The following UNC5D variants were observed in gnomAD, a reference collection of about 807,000 sequenced individuals.
The protein encoded by UNC5D is unc-5 netrin receptor D.
Under a neutral mutation model 105.4 loss-of-function variants are expected in UNC5D, and 39 were observed. The ratio of observed to expected loss-of-function variants is 0.37; its 90% CI spans 0.29 to 0.48. The LOEUF (loss-of-function observed/expected upper bound fraction) is 0.48. Among genes scored for constraint, UNC5D ranks in the 20% least tolerant of loss-of-function variants. UNC5D has a pLI of 0.98. For missense variants in UNC5D, 991 were observed against 1,202.4 expected, an observed-to-expected ratio of 0.82 and a Z score of 2.60; for synonymous variants, 452 against 450.4, an observed-to-expected ratio of 1.00 and a Z score of -0.04.
In UNC5D at chr8:35,644,760, A is replaced by G. The variant is rs141906105; in HGVS notation, c.571-38787A>G. ...TTCATGTGAAAGTTCTTTTCTGATCATCTTAAAGAGTTGTGGCTCATCACA... is the reference window on the plus strand; with the variant it reads ...TTCATGTGAAAGTTCTTTTCTGATCGTCTTAAAGAGTTGTGGCTCATCACA... On this transcript the variant is annotated intron_variant, in intron 4 of 16. Coordinates refer to ENST00000404895, the MANE Select transcript of UNC5D (RefSeq NM_080872.4). Among the ~76,000 whole-genome samples the G allele has an allele frequency of 3.2e-3, 482 of 152,268 alleles. 4 individuals carry two copies. The highest frequency in any genetic ancestry group is 0.01 in the African/African-American group (436 of 41,584).
chr8:35,743,238 G>A (rs1486021558), intron 11 of UNC5D, among the ~76,000 whole-genome samples: 1 of 151,922 alleles, frequency 6.6e-6, no homozygotes, highest in Non-Finnish European at 1.5e-5. Flanking sequence ...TTCTCCCTGG[G>A]CCTTCTATTT....
chr8:35,447,045 T>C (rs1158545782), intron 1 of UNC5D, among the ~76,000 whole-genome samples: 2 of 152,016 alleles, frequency 1.3e-5, no homozygotes, highest in Non-Finnish European at 2.9e-5. Context: ...TCCTCAGAGC[T>C]AAGAGTGAGC....
chr8:35,315,677 G>T (rs537911730), intron 1 of UNC5D, among the ~76,000 whole-genome samples: 1 of 152,154 alleles, frequency 6.6e-6, no homozygotes, highest in Non-Finnish European at 1.5e-5. Flanking sequence ...GGCCAATTTT[G>T]TAGTTTATTG....
intron 4 of UNC5D, among the ~76,000 whole-genome samples, chr8:35,637,720 G>A (rs1174494392): frequency 1.3e-5 from 2 of 152,140 alleles, no homozygotes; most frequent in Non-Finnish European, 2.9e-5. Flanking sequence ...GGTACTAATG[G>A]GAATTTTCCA....
intron 1 of UNC5D, among the ~76,000 whole-genome samples, chr8:35,338,991 C>T (rs935181376): frequency 3.3e-5 from 5 of 152,218 alleles, no homozygotes; most frequent in East Asian, 1.9e-4. Flanking sequence ...ATAGGAGATA[C>T]CTGAATCTAC....
chr8:35,513,781 G>A (rs1283920707), intron 1 of UNC5D, among the ~76,000 whole-genome samples: 1 of 152,186 alleles, frequency 6.6e-6, no homozygotes, highest in East Asian at 1.9e-4. Context: ...CAAAGATATT[G>A]TTGAATGGGA....
At chr8:35,249,473 G>T (rs576968695) in intron 1 of UNC5D, among the ~76,000 whole-genome samples, 5 of 150,860 alleles carry the variant, frequency 3.3e-5, no homozygotes, top group Non-Finnish European at 5.9e-5. Flanking sequence ...CAGGAGAATC[G>T]CTTGAACCTG....
intron 1 of UNC5D, among the ~76,000 whole-genome samples, chr8:35,521,901 T>C (rs190860109): frequency 3.3e-5 from 5 of 152,334 alleles, no homozygotes; most frequent in East Asian, 1.9e-4. Flanking sequence ...AGCACCTTAA[T>C]GAACACATTC....
chr8:35,325,587 A>G (rs927914918), intron 1 of UNC5D, among the ~76,000 whole-genome samples: 2 of 152,188 alleles, frequency 1.3e-5, no homozygotes, highest in Admixed American at 1.3e-4. Context: ...AAAGGAATTG[A>G]TAGTTCTGCT....
At chr8:35,715,749 T>C (rs1828218331) in intron 8 of UNC5D, among the ~76,000 whole-genome samples, 1 of 150,226 alleles carries the variant, frequency 6.7e-6, no homozygotes, top group African/African-American at 2.5e-5. Context: ...CAAAAGAGAA[T>C]AATGAATGAG....
At chr8:35,774,701 G>T (rs1203270849) in intron 16 of UNC5D, among the ~76,000 whole-genome samples, 1 of 152,132 alleles carries the variant, frequency 6.6e-6, no homozygotes, top group Non-Finnish European at 1.5e-5. Flanking sequence ...GGAGGCCGAG[G>T]CAGGCAAATG....
At chr8:35,556,585 A>G (rs1185384795) in intron 2 of UNC5D, among the ~76,000 whole-genome samples, 2 of 152,028 alleles carry the variant, frequency 1.3e-5, no homozygotes, top group Non-Finnish European at 2.9e-5. Flanking sequence ...TGAAAGTAAG[A>G]GGAGGAACAC....
At chr8:35,313,494 G>A (rs2128879930) in intron 1 of UNC5D, among the ~76,000 whole-genome samples, 1 of 152,240 alleles carries the variant, frequency 6.6e-6, no homozygotes, top group East Asian at 1.9e-4. Context: ...CTTGCAAAAA[G>A]AACAACCAAC....
At chr8:35,611,514 C>T (rs1201701743) in intron 4 of UNC5D, among the ~76,000 whole-genome samples, 1 of 152,166 alleles carries the variant, frequency 6.6e-6, no homozygotes, top group Non-Finnish European at 1.5e-5. Flanking sequence ...TCTCATTACA[C>T]TTACTTAGAC....
intron 1 of UNC5D, among the ~76,000 whole-genome samples, chr8:35,495,635 A>G (rs943337613): frequency 6.6e-6 from 1 of 152,084 alleles, no homozygotes; most frequent in Non-Finnish European, 1.5e-5. Context: ...AAGGTTTACC[A>G]TATTTCCATT....
chr8:35,687,879 G>A (rs1041551308), intron 7 of UNC5D, among the ~76,000 whole-genome samples: 2 of 152,088 alleles, frequency 1.3e-5, no homozygotes, highest in African/African-American at 4.8e-5. Context: ...ATGAGTCAAG[G>A]TGTATTGATT....
chr8:35,538,087 A>C (rs1462156679), intron 1 of UNC5D, among the ~76,000 whole-genome samples: 5 of 152,212 alleles, frequency 3.3e-5, no homozygotes, highest in Non-Finnish European at 5.9e-5. Context: ...TTATGGAAGA[A>C]CAAAGAAGAG....
chr8:35,774,620 A>T, intron 16 of UNC5D, 143 bp downstream of exon 16: 1 of 1,121,686 alleles, frequency 8.9e-7, no homozygotes, highest in Non-Finnish European at 1.2e-6. Flanking sequence ...CCCACTAAGT[A>T]AGTGGGGAAA....
chr8:35,774,760 C>T (rs1242724714), intron 16 of UNC5D, among the ~76,000 whole-genome samples: 9 of 151,998 alleles, frequency 5.9e-5, no homozygotes, highest in African/African-American at 2.2e-4. Flanking sequence ...GGTGAGACCC[C>T]ATCTCCACAA....
Sources: gnomAD v4.1 joint callset for allele counts (sites outside exome capture counted in the v4.1 genomes callset) on GRCh38, gnomAD v4.1.1 for gene constraint, MANE v1.5 for transcripts, NCBI Gene and HGNC (gene_info 2026-07-23, HGNC 2026-07-21) for gene names.